Variants in TG observed in about 807,000 individuals in gnomAD.
TG encodes thyroglobulin, also known as thyroid hormones.
Under a neutral mutation model 324.7 loss-of-function variants are expected in TG, and 270 were observed. The observed-to-expected ratio is 0.83, with a 90% confidence interval of 0.75 to 0.92. The LOEUF (loss-of-function observed/expected upper bound fraction) is 0.92. Among genes scored for constraint, TG ranks in the 40% least tolerant of loss-of-function variants. TG has a pLI of 0.00. For synonymous variants in TG, 1,401 were observed against 1,327.0 expected (o/e 1.06, Z -1.21); for missense variants, 3,591 against 3,456.4 (o/e 1.04, Z -0.98).
At chr8:132,957,015 G>A (rs570863647) in intron 27 of TG, among the ~76,000 whole-genome samples, 2 of 152,288 alleles carry the variant, frequency 1.3e-5, no homozygotes, top group African/African-American at 4.8e-5. Flanking sequence ...GAGTTTGGGT[G>A]TAGGGATGGG....
chr8:132,935,796 G>T lies in TG; in HGVS notation c.4973G>T (p.Gly1658Val). 1 of 1,612,990 alleles carries T rather than the reference G, an allele frequency of 6.2e-7. No homozygotes were observed. Among genetic ancestry groups the T allele is most frequent in the Non-Finnish European group, 8.5e-7 (1 of 1,180,026 alleles). Residue 1658 changes from glycine (G) to valine (V), a missense_variant, in exon 25 of 48, where the codon GGA becomes GTA. By Grantham distance (109) the Gly-to-Val change is moderately radical (BLOSUM62 -3). Coordinates refer to ENST00000220616, the MANE Select transcript of TG (RefSeq NM_003235.5). ...ALGNSKATSF[G>V]SLRCQVKVRS... ...GGGAACTCAAAGGCCACCAGCTTTG[G>T]AAGTCTTCGCTGCCAGGTGAAAGTG... is the stretch of plus-strand genomic sequence containing the variant.
At chr8:132,892,693 G>A (rs1445657406) in intron 10 of TG, among the ~76,000 whole-genome samples, 1 of 151,982 alleles carries the variant, frequency 6.6e-6, no homozygotes, top group Non-Finnish European at 1.5e-5. Context: ...GTTTATGTAT[G>A]TGTGTGTGGT....
At chr8:133,015,063 G>A (rs1834898210) in intron 37 of TG, among the ~76,000 whole-genome samples, 1 of 152,176 alleles carries the variant, frequency 6.6e-6, no homozygotes, top group East Asian at 1.9e-4. Flanking sequence ...AATAGAGATA[G>A]GGTTTTGCCA....
At chr8:133,059,014 G>C in intron 41 of TG, 1 of 461,104 alleles carries the variant, frequency 2.2e-6, no homozygotes, top group Non-Finnish European at 4.3e-6. Flanking sequence ...GAAGCAGTGA[G>C]AAGGCTCCTT....
chr8:132,939,960 G>A (rs1348681435), intron 25 of TG, among the ~76,000 whole-genome samples: 1 of 152,152 alleles, frequency 6.6e-6, no homozygotes, highest in Non-Finnish European at 1.5e-5. Context: ...ACAGGCATGA[G>A]CCACCATGCC....
chr8:133,052,176 C>T (rs1406974147), intron 41 of TG, among the ~76,000 whole-genome samples: 1 of 152,192 alleles, frequency 6.6e-6, no homozygotes, highest in Admixed American at 6.5e-5. Context: ...AGTCATAAGC[C>T]TCTTGGGCAG....
chr8:132,990,533 C>T (rs1037278007), intron 35 of TG, among the ~76,000 whole-genome samples: 1 of 148,196 alleles, frequency 6.7e-6, no homozygotes, highest in Non-Finnish European at 1.5e-5. Flanking sequence ...TTTTTCCCGT[C>T]CCCCTGGAAC....
intron 23 of TG, among the ~76,000 whole-genome samples, chr8:132,929,474 A>G (rs1055315871): frequency 3.3e-5 from 5 of 152,186 alleles, no homozygotes; most frequent in East Asian, 3.8e-4. Context: ...GTCAGGATCT[A>G]TATCTCCCTA....
chr8:132,988,704 A>C, intron 35 of TG: 3 of 985,424 alleles, frequency 3.0e-6, no homozygotes, highest in Non-Finnish European at 3.6e-6. Flanking sequence ...TTGCATCTTA[A>C]AAGGCTTACA....
At chr8:132,915,268 C>T (rs914518625) in intron 20 of TG, among the ~76,000 whole-genome samples, 2 of 152,178 alleles carry the variant, frequency 1.3e-5, no homozygotes, top group Non-Finnish European at 2.9e-5. Context: ...AGGCAGAGAA[C>T]CTGTGTTGAC....
rs11335158 is a variant in TG at position 132,969,910 on chromosome 8, C to CAAAAAAAAAAAAAAAAAAAAAA, written c.5975+343_5975+364dup. 3.4e-5 allele frequency among the ~76,000 whole-genome samples: 2 copies of CAAAAAAAAAAAAAAAAAAAAAA among 58,074 alleles called. 1 individual carries two copies. The highest frequency in any genetic ancestry group is 1.4e-4 in the African/African-American group (2 of 14,124). 38.1% of individuals were successfully genotyped at this position (58,074 alleles called of 152,430 possible). On this transcript the variant is annotated intron_variant, in intron 32 of 47. Transcript: ENST00000220616. ...GCCTAGCAACAGAGCGAGACTCTGT[C>CAAAAAAAAAAAAAAAAAAAAAA]AAAAAAAAAAAAAAAAAAAAAAAGC...
chr8:132,949,685 T>C (rs1825833500), intron 27 of TG, among the ~76,000 whole-genome samples: 1 of 152,200 alleles, frequency 6.6e-6, no homozygotes, highest in Non-Finnish European at 1.5e-5. Flanking sequence ...CTAACAGAAA[T>C]AACCACTGGG....
intron 35 of TG, chr8:132,988,674 CT>C: frequency 1.0e-6 from 1 of 980,702 alleles, no homozygotes; most frequent in Non-Finnish European, 1.2e-6. Flanking sequence ...TATATATTTT[CT>C]TTGTCAGACA....
intron 20 of TG, among the ~76,000 whole-genome samples, chr8:132,914,900 G>A (rs536526528): frequency 3.3e-4 from 51 of 152,310 alleles, no homozygotes; most frequent in Non-Finnish European, 6.8e-4. Flanking sequence ...ACTGTGAAGA[G>A]CCCTTGGCTT....
chr8:132,889,996 G>C (rs1816002174), intron 10 of TG, among the ~76,000 whole-genome samples: 4 of 151,946 alleles, frequency 2.6e-5, no homozygotes, highest in African/African-American at 9.7e-5. Flanking sequence ...TGGCCAGGCT[G>C]GTCTTGAACT....
chr8:132,991,525 G>A (rs955593600), intron 35 of TG, among the ~76,000 whole-genome samples: 2 of 152,224 alleles, frequency 1.3e-5, no homozygotes, highest in African/African-American at 2.4e-5. Context: ...GCTTATGCAT[G>A]CATGTGCACA....
chr8:133,049,369 G>A (rs1441789079), intron 41 of TG: 1 of 320,652 alleles, frequency 3.1e-6, no homozygotes, highest in Non-Finnish European at 6.3e-6. Flanking sequence ...TTACTGTAAT[G>A]CCTGGCATTG....
intron 8 of TG, among the ~76,000 whole-genome samples, chr8:132,884,755 C>A (rs1461601125): frequency 6.6e-6 from 1 of 152,138 alleles, no homozygotes; most frequent in Non-Finnish European, 1.5e-5. Context: ...ATAGATAGAT[C>A]ATATATTTTC....
intron 26 of TG, among the ~76,000 whole-genome samples, chr8:132,943,355 G>A (rs1424077398): frequency 1.3e-5 from 2 of 152,068 alleles, no homozygotes; most frequent in Non-Finnish European, 2.9e-5. Context: ...TTCACCTTCT[G>A]TCATGAATGT....
Sources: gnomAD v4.1 joint callset for allele counts (sites outside exome capture counted in the v4.1 genomes callset) on GRCh38, gnomAD v4.1.1 for gene constraint, MANE v1.5 for transcripts, NCBI Gene and HGNC (gene_info 2026-07-23, HGNC 2026-07-21) for gene names.